The following PATJ variants were observed in gnomAD, a reference collection of about 807,000 sequenced individuals.
PATJ encodes inaD-like protein.
Under a neutral mutation model 224.9 loss-of-function variants are expected in PATJ, and 190 were observed. The ratio of observed to expected loss-of-function variants is 0.84; its 90% confidence interval spans 0.75 to 0.95. The LOEUF is 0.95. Among genes scored for constraint, PATJ ranks in the 40% least tolerant of loss-of-function variants. The probability of loss-of-function intolerance (pLI) is 0.00; values close to 1 mark genes in which losing one functional copy is unlikely to be tolerated. For synonymous variants in PATJ, 769 were observed against 820.3 expected, an observed-to-expected ratio of 0.94 and a Z score of 1.07; for missense variants, 2,121 against 2,270.3, an observed-to-expected ratio of 0.93 and a Z score of 1.34.
chr1:61,805,560 C>A, intron 13 of PATJ, 36 bp downstream of exon 13: 1 of 1,210,018 alleles, frequency 8.3e-7, no homozygotes, highest in East Asian at 2.3e-5. Flanking sequence ...ACATTCATGT[C>A]TCATTTCACA....
chr1:61,813,435 G>T (rs997274318), intron 14 of PATJ, among the ~76,000 whole-genome samples: 9 of 144,156 alleles, frequency 6.2e-5, no homozygotes, highest in Non-Finnish European at 1.2e-4. Context: ...AGTAACTCTG[G>T]TATAAATGGG....
chr1:62,107,033 T>C (rs1302616882), intron 33 of PATJ, among the ~76,000 whole-genome samples: 1 of 151,390 alleles, frequency 6.6e-6, no homozygotes, highest in Non-Finnish European at 1.5e-5. Context: ...CTCGGCTGGG[T>C]GCAGTGGCTC....
chr1:61,763,348 T>A (rs2148296823), intron 3 of PATJ, among the ~76,000 whole-genome samples, 169 bp downstream of exon 3: 1 of 152,238 alleles, frequency 6.6e-6, no homozygotes. Context: ...TTGGCATAGA[T>A]AATTTAGAAA....
intron 5 of PATJ, among the ~76,000 whole-genome samples, chr1:61,769,676 A>G (rs901291071): frequency 2.0e-5 from 3 of 152,182 alleles, no homozygotes; most frequent in East Asian, 1.9e-4. Flanking sequence ...TGGTCAACCT[A>G]TAGTCACAGA....
chr1:61,998,772 C>T (rs1471510250), intron 28 of PATJ, among the ~76,000 whole-genome samples: 1 of 152,166 alleles, frequency 6.6e-6, no homozygotes, highest in Non-Finnish European at 1.5e-5. Context: ...CGGTTGGCCT[C>T]ATTCTTTTTT....
chr1:61,777,005 G>C (rs747811450), intron 7 of PATJ, among the ~76,000 whole-genome samples: 6 of 152,066 alleles, frequency 3.9e-5, no homozygotes, highest in Admixed American at 3.9e-4. Context: ...GATTACAGGC[G>C]TGAGCCACCG....
intron 28 of PATJ, among the ~76,000 whole-genome samples, chr1:62,000,104 G>A (rs1220434467): frequency 1.3e-5 from 2 of 151,926 alleles, no homozygotes; most frequent in Non-Finnish European, 2.9e-5. Context: ...GGCCAGGCTG[G>A]TCTCGAACTC....
At chr1:62,076,132 G>GTT (rs1658264188) in intron 31 of PATJ, among the ~76,000 whole-genome samples, 1 of 151,954 alleles carries the variant, frequency 6.6e-6, no homozygotes, top group African/African-American at 2.4e-5. Context: ...GTTTTGTTTT[G>GTT]TTTTGTTTTT....
rs1372850717 is a variant in PATJ, at chr1:61,951,201, A to T, written c.3670+23372A>T. On this transcript the variant is annotated intron_variant, in intron 27 of 43. Transcript: ENST00000642238. ...CTAAAAAAAAAAAAAGGAAAAAAAAAGTTATTTAGTAGAATTTGTATTCTA... is the reference window on the plus strand; with the variant it reads ...CTAAAAAAAAAAAAAGGAAAAAAAATGTTATTTAGTAGAATTTGTATTCTA... 3.9e-5 allele frequency among the ~76,000 whole-genome samples: 6 copies of T among 152,090 alleles called. No individual in the cohort carries two copies. In the South Asian group the frequency reaches 1.0e-3, roughly 26 times the overall value.
At chr1:62,058,760 T>A (rs1193228089) in intron 31 of PATJ, among the ~76,000 whole-genome samples, 1 of 152,190 alleles carries the variant, frequency 6.6e-6, no homozygotes, top group Non-Finnish European at 1.5e-5. Flanking sequence ...TTTGTTAGAA[T>A]CTGTGCAGCG....
chr1:62,080,914 G>A (rs1659190721), intron 32 of PATJ, among the ~76,000 whole-genome samples: 1 of 152,040 alleles, frequency 6.6e-6, no homozygotes, highest in African/African-American at 2.4e-5. Flanking sequence ...TGGTCTACAA[G>A]CTAAAAAAGG....
chr1:61,961,487 T>C (rs971002025), intron 27 of PATJ, among the ~76,000 whole-genome samples: 1 of 152,188 alleles, frequency 6.6e-6, no homozygotes, highest in Non-Finnish European at 1.5e-5. Flanking sequence ...CTAGATCTTA[T>C]TAGCTACCAA....
intron 33 of PATJ, among the ~76,000 whole-genome samples, chr1:62,098,462 G>C (rs921952648): frequency 1.7e-4 from 26 of 152,134 alleles, no homozygotes; most frequent in Admixed American, 4.6e-4. Flanking sequence ...GGGTGTGGTG[G>C]TGTGCACCTG....
chr1:62,051,528 T>C (rs1653625510), intron 31 of PATJ, among the ~76,000 whole-genome samples: 1 of 152,216 alleles, frequency 6.6e-6, no homozygotes, highest in Admixed American at 6.5e-5. Context: ...GATTTTGCCA[T>C]GTTAGCCAGG....
At chr1:62,003,603 A>C (rs1206528853) in intron 28 of PATJ, among the ~76,000 whole-genome samples, 1 of 152,206 alleles carries the variant, frequency 6.6e-6, no homozygotes, top group East Asian at 1.9e-4. Flanking sequence ...TCCTTTGCCC[A>C]AGGTATTAAG....
chr1:62,061,536 G>A (rs115205651), intron 31 of PATJ, among the ~76,000 whole-genome samples: 11,398 of 152,076 alleles, frequency 0.075, 584 homozygotes, highest in Middle Eastern at 0.13. Flanking sequence ...CCACTTATGC[G>A]TGAGAACATG....
chr1:61,810,125 C>T (rs1006748426), intron 14 of PATJ, among the ~76,000 whole-genome samples: 1 of 151,932 alleles, frequency 6.6e-6, no homozygotes, highest in Non-Finnish European at 1.5e-5. Context: ...GCTGGGATTA[C>T]AGGCATGAGT....
intron 1 of PATJ, among the ~76,000 whole-genome samples, chr1:61,749,603 G>A (rs550867128): frequency 3.9e-5 from 6 of 151,944 alleles, no homozygotes; most frequent in Admixed American, 3.3e-4. Context: ...TCCTACCATC[G>A]AATGTTACTT....
intron 16 of PATJ, among the ~76,000 whole-genome samples, chr1:61,831,409 A>G (rs1659298992): frequency 1.3e-5 from 2 of 152,110 alleles, no homozygotes; most frequent in South Asian, 4.1e-4. Flanking sequence ...CTACAGACTG[A>G]GAGAAAATAT....
Sources: allele counts gnomAD v4.1 joint callset (sites outside exome capture counted in the v4.1 genomes callset), GRCh38; gene constraint gnomAD v4.1.1; transcripts MANE v1.5; gene names NCBI Gene and HGNC (gene_info 2026-07-23, HGNC 2026-07-21).